Variants in SPRR2G observed in about 807,000 individuals in gnomAD.
SPRR2G encodes the protein small proline-rich protein 2G.
Under a neutral mutation model 0.7 loss-of-function variants are expected in SPRR2G, and 1 was observed. The ratio of observed to expected loss-of-function variants is 1.49; its 90% CI spans 0.53 to 7.06. The LOEUF (loss-of-function observed/expected upper bound fraction) is 7.06, where lower values mean the gene tolerates loss of function less well. Ranked by LOEUF, SPRR2G falls within the 30% of genes most tolerant of loss-of-function variation. SPRR2G has a pLI of 0.14. For missense variants in SPRR2G, 96 were observed against 88.5 expected (o/e 1.09, Z -0.34); for synonymous variants, 38 against 33.9 (o/e 1.12, Z -0.42).
At chr1:153,157,265 T>C in the SPRR2G span, among the ~76,000 whole-genome samples, 1 of 152,222 alleles carries the variant, frequency 6.6e-6, no homozygotes, top group Non-Finnish European at 1.5e-5. Flanking sequence ...AGTGTGATGA[T>C]CATCTTGTGG....
rs1291643440 is a variant in SPRR2G at position 153,149,887 on chromosome 1, T to C, written c.*2A>G. 1.9e-6 allele frequency: 3 copies of C among 1,614,104 alleles called. No individual in the cohort carries two copies. The highest frequency in any genetic ancestry group is 2.5e-6 in the Non-Finnish European group (3 of 1,180,008). On this transcript the variant is annotated 3_prime_UTR_variant, in exon 2 of 2. Transcript: ENST00000368748. ...TCATGGTCCTGATGAATTCTAGTGA[T>C]GTTACTTGCTCTTGGGTGGATACTT...
At chr1:153,180,079 T>G in the SPRR2G span, among the ~76,000 whole-genome samples, 2 of 152,142 alleles carry the variant, frequency 1.3e-5, no homozygotes, top group African/African-American at 4.8e-5. Flanking sequence ...TTCCTTCCCT[T>G]TAAAGTAACC....
chr1:153,154,682 A>G (rs968688566), upstream of SPRR2G, among the ~76,000 whole-genome samples: 1 of 152,172 alleles, frequency 6.6e-6, no homozygotes, highest in African/African-American at 2.4e-5. Flanking sequence ...TTTTATATCC[A>G]TGGCATCAGT....
chr1:153,188,537 C>T, the SPRR2G span, among the ~76,000 whole-genome samples: 1 of 152,168 alleles, frequency 6.6e-6, no homozygotes, highest in Admixed American at 6.5e-5. Flanking sequence ...CTCCCCACAC[C>T]AAGCTCAATC....
the SPRR2G span, among the ~76,000 whole-genome samples, chr1:153,198,392 G>T: frequency 6.6e-6 from 1 of 152,306 alleles, no homozygotes; most frequent in East Asian, 1.9e-4. Context: ...TGTGGGGGTT[G>T]AATTAGTGGT....
chr1:153,172,861 C>T, the SPRR2G span, among the ~76,000 whole-genome samples: 2 of 152,154 alleles, frequency 1.3e-5, no homozygotes, highest in East Asian at 1.9e-4. Context: ...TCATCTGGGC[C>T]GGAAGAAGAT....
chr1:153,177,882 A>G, the SPRR2G span, among the ~76,000 whole-genome samples: 1 of 151,718 alleles, frequency 6.6e-6, no homozygotes, highest in Non-Finnish European at 1.5e-5. Context: ...AAAAAAAGCC[A>G]GCTGGGATTT....
the SPRR2G span, among the ~76,000 whole-genome samples, chr1:153,188,268 A>C: frequency 1.3e-5 from 2 of 152,198 alleles, no homozygotes; most frequent in Non-Finnish European, 1.5e-5. Context: ...CAGGGCTGGC[A>C]GGCAGGAAAT....
the SPRR2G span, among the ~76,000 whole-genome samples, chr1:153,202,036 C>G: frequency 2.6e-5 from 4 of 152,210 alleles, no homozygotes; most frequent in Non-Finnish European, 5.9e-5. Flanking sequence ...GTGACTAATA[C>G]AAATTCTTGA....
the SPRR2G span, among the ~76,000 whole-genome samples, chr1:153,189,474 G>A: frequency 9.1e-3 from 1,381 of 151,800 alleles, 28 homozygotes; most frequent in African/African-American, 0.031. Flanking sequence ...AGTTTTATTA[G>A]AAACATTTAA....
At chr1:153,203,097 G>A in the SPRR2G span, among the ~76,000 whole-genome samples, 1 of 152,322 alleles carries the variant, frequency 6.6e-6, no homozygotes, top group Non-Finnish European at 1.5e-5. Flanking sequence ...GGGTGGGGAA[G>A]GAGCAGGTTC....
chr1:153,193,059 G>A, the SPRR2G span, among the ~76,000 whole-genome samples: 3 of 152,030 alleles, frequency 2.0e-5, no homozygotes, highest in Non-Finnish European at 2.9e-5. Context: ...CCGCTGACCA[G>A]CCCAGGAAGT....
At chr1:153,171,151 T>G in the SPRR2G span, among the ~76,000 whole-genome samples, 1 of 152,280 alleles carries the variant, frequency 6.6e-6, no homozygotes, top group South Asian at 2.1e-4. Flanking sequence ...ATGTTGAAAC[T>G]CTCTCATCTT....
At chr1:153,150,202 C>G in intron 1 of SPRR2G, 71 bp from the exon 2 acceptor site, 1 of 1,579,812 alleles carries the variant, frequency 6.3e-7, no homozygotes, top group East Asian at 2.2e-5. Flanking sequence ...GCTAGGACAT[C>G]AAATCTCCAG....
chr1:153,164,004 T>C, the SPRR2G span, among the ~76,000 whole-genome samples: 2 of 152,224 alleles, frequency 1.3e-5, no homozygotes, highest in Non-Finnish European at 2.9e-5. Context: ...TACCGTTTCA[T>C]ACTAATATAT....
At chr1:153,170,945 G>A in the SPRR2G span, among the ~76,000 whole-genome samples, 13 of 152,154 alleles carry the variant, frequency 8.5e-5, no homozygotes, top group Non-Finnish European at 1.8e-4. Context: ...ATGGGCAACT[G>A]ACACAGAAAT....
Position 153,149,682 on chromosome 1 carries a change from G to A in SPRR2G, c.*207C>T, listed in dbSNP as rs1000647856. ...CACCATCTACATCACAGACAGCAAA[G>A]CGAGATTAGGCAGTGATCTGGCTGC... On this transcript the variant is annotated 3_prime_UTR_variant, in exon 2 of 2. Transcript: ENST00000368748. 1.5e-6 allele frequency: 1 copy of A among 656,502 alleles called. No individual in the cohort carries two copies. Among genetic ancestry groups the A allele is most frequent in the African/African-American group, 1.8e-5 (1 of 55,190 alleles). The allele number at this position is 656,502 out of a possible 1,614,324, so 40.7% of individuals were successfully genotyped here. A position where few individuals can be genotyped will look rare whatever the true frequency, so the allele number is the denominator to read the frequency against.
the SPRR2G span, among the ~76,000 whole-genome samples, chr1:153,162,355 T>G: frequency 6.6e-6 from 1 of 152,362 alleles, no homozygotes; most frequent in South Asian, 2.1e-4. Context: ...GTTTTATGGC[T>G]GCATAATATT....
chr1:153,179,831 A>G, the SPRR2G span, among the ~76,000 whole-genome samples: 1 of 152,120 alleles, frequency 6.6e-6, no homozygotes, highest in Non-Finnish European at 1.5e-5. Context: ...CCGTATTCCT[A>G]TCTTGTGCCA....
Sources: allele counts gnomAD v4.1 joint callset (sites outside exome capture counted in the v4.1 genomes callset), GRCh38; gene constraint gnomAD v4.1.1; transcripts MANE v1.5; gene names NCBI Gene and HGNC (gene_info 2026-07-23, HGNC 2026-07-21).